Variants in CLEC1A observed in about 807,000 individuals in gnomAD.
CLEC1A encodes the protein C-type lectin domain family 1 member A.
In CLEC1A, 34 loss-of-function variants were observed where a neutral mutation model predicts 28.7. That is an observed-to-expected ratio of 1.18 (90% CI 0.90 to 1.57). The LOEUF is 1.57. CLEC1A is among the 40% of genes most tolerant of loss of function. The pLI is 0.00. For synonymous variants in CLEC1A, 116 were observed against 121.0 expected, an observed-to-expected ratio of 0.96 and a Z score of 0.27; for missense variants, 385 against 339.5, an observed-to-expected ratio of 1.13 and a Z score of -1.05.
intron 1 of CLEC1A, 113 bp downstream of exon 1, chr12:10,098,695 T>C (rs894967377): frequency 7.6e-6 from 5 of 656,546 alleles, no homozygotes; most frequent in East Asian, 2.8e-5. Flanking sequence ...GGGCGAGTAA[T>C]TGGAAATAAA....
intron 2 of CLEC1A, among the ~76,000 whole-genome samples, chr12:10,088,049 G>A (rs1866537638): frequency 6.6e-6 from 1 of 151,838 alleles, no homozygotes; most frequent in African/African-American, 2.4e-5. Context: ...ACCATATATT[G>A]TTACTTATTC....
intron 2 of CLEC1A, among the ~76,000 whole-genome samples, chr12:10,085,536 TA>T (rs71049044): frequency 0.041 from 5,256 of 128,516 alleles, 276 homozygotes; most frequent in African/African-American, 0.14. Flanking sequence ...GCAAAAACAG[TA>T]AAAAAAAAAA....
In CLEC1A at chr12:10,089,054, T is replaced by C; in HGVS notation, c.214+70A>G. 4.2e-6 allele frequency: 5 copies of C among 1,193,198 alleles called. No individual in the cohort carries two copies. The South Asian group carries it at 5.0e-5, about 12-fold the overall frequency. 73.9% of individuals were successfully genotyped at this position (1,193,198 alleles called of 1,614,324 possible). On this transcript the variant is annotated intron_variant, in intron 2 of 5. Transcript: ENST00000315330. ...AATTAAAGTTTAAAAAACAAATCCA[T>C]AACAAGTGTTTCTCATCCTAGACAA...
intron 1 of CLEC1A, among the ~76,000 whole-genome samples, chr12:10,097,541 G>A (rs1205712125): frequency 1.3e-5 from 2 of 152,226 alleles, no homozygotes; most frequent in Middle Eastern, 3.4e-3. Flanking sequence ...CACTTCTACT[G>A]TTTCAATATC....
chr12:10,074,252 T>C (rs879877696), intron 4 of CLEC1A, among the ~76,000 whole-genome samples: 1 of 152,190 alleles, frequency 6.6e-6, no homozygotes. Flanking sequence ...CTTTGTTTCA[T>C]TGTTACATCC....
chr12:10,073,490 C>T (rs972800482), intron 4 of CLEC1A, 79 bp from the exon 5 acceptor site: 2 of 991,050 alleles, frequency 2.0e-6, no homozygotes, highest in African/African-American at 3.2e-5. Flanking sequence ...GGCCAGCCAG[C>T]ACTTTTCTCA....
At chr12:10,090,397 C>A (rs1422516429) in intron 1 of CLEC1A, among the ~76,000 whole-genome samples, 1 of 152,040 alleles carries the variant, frequency 6.6e-6, no homozygotes, top group African/African-American at 2.4e-5. Flanking sequence ...ACTACAGGCA[C>A]GTGCCACCAC....
chr12:10,078,627 A>G (rs1866302294), intron 3 of CLEC1A, among the ~76,000 whole-genome samples: 1 of 152,174 alleles, frequency 6.6e-6, no homozygotes. Flanking sequence ...ATTACTGTAT[A>G]CCTGGGACCT....
chr12:10,073,261 TG>T, intron 5 of CLEC1A, 31 bp downstream of exon 5: 1 of 1,494,564 alleles, frequency 6.7e-7, no homozygotes, highest in Non-Finnish European at 9.3e-7. Flanking sequence ...CTTTGTTAAA[TG>T]CCTTTCCCAT....
intron 3 of CLEC1A, among the ~76,000 whole-genome samples, chr12:10,080,671 A>G (rs538246801): frequency 2.8e-4 from 42 of 152,322 alleles, no homozygotes; most frequent in Admixed American, 7.2e-4. Context: ...ATACACATGC[A>G]CTCACACTGA....
chr12:10,078,621 C>A (rs1866302045), intron 3 of CLEC1A, among the ~76,000 whole-genome samples: 1 of 152,174 alleles, frequency 6.6e-6, no homozygotes, highest in South Asian at 2.1e-4. Context: ...CCGATCATTA[C>A]TGTATACCTG....
In CLEC1A at chr12:10,075,665, A is replaced by G; in HGVS notation, c.392-10T>C. The G allele has an allele frequency of 6.2e-7, 1 of 1,611,416 alleles. No homozygotes were observed. The highest frequency in any genetic ancestry group is 8.5e-7 in the Non-Finnish European group (1 of 1,178,778). On this transcript the variant is annotated splice_polypyrimidine_tract_variant and intron_variant, in intron 3 of 5. Transcript: ENST00000315330. ...GGGCTGCACCTGTGTGCTTGGAAAAAAGCCAATTTTATTGTTATTTTCTGC... is the reference window on the plus strand; with the variant it reads ...GGGCTGCACCTGTGTGCTTGGAAAAGAGCCAATTTTATTGTTATTTTCTGC...
At chr12:10,071,776 G>C (rs1866141226) in intron 5 of CLEC1A, among the ~76,000 whole-genome samples, 1 of 152,110 alleles carries the variant, frequency 6.6e-6, no homozygotes, top group Non-Finnish European at 1.5e-5. Context: ...TAGTGTTTCT[G>C]CCACTTAAAA....
At chr12:10,071,617 G>T in intron 5 of CLEC1A, 104 bp from the exon 6 acceptor site, 1 of 935,850 alleles carries the variant, frequency 1.1e-6, no homozygotes, top group African/African-American at 1.7e-5. Flanking sequence ...CTAGATACCA[G>T]AATAAGTTTA....
At chr12:10,080,656 T>C (rs566473933) in intron 3 of CLEC1A, among the ~76,000 whole-genome samples, 16 of 152,158 alleles carry the variant, frequency 1.1e-4, no homozygotes, top group Non-Finnish European at 2.2e-4. Context: ...AATAGGAGAA[T>C]AGGAATACAC....
intron 3 of CLEC1A, among the ~76,000 whole-genome samples, chr12:10,077,354 T>C (rs906643661): frequency 6.6e-5 from 10 of 152,122 alleles, no homozygotes; most frequent in Admixed American, 5.9e-4. Flanking sequence ...TAGATAGATA[T>C]ACAGATACAT....
chr12:10,074,554 C>A (rs897950688), intron 4 of CLEC1A, among the ~76,000 whole-genome samples: 13 of 152,068 alleles, frequency 8.5e-5, no homozygotes, highest in African/African-American at 2.9e-4. Context: ...CAGTTTTATA[C>A]CTGAGTTTGC....
intron 1 of CLEC1A, among the ~76,000 whole-genome samples, chr12:10,091,148 A>C (rs1241416904): frequency 1.3e-5 from 2 of 152,078 alleles, no homozygotes; most frequent in Admixed American, 6.5e-5. Flanking sequence ...TAATCTTTTC[A>C]TGACTTTTGT....
intron 2 of CLEC1A, chr12:10,084,538 A>G (rs557478475): frequency 1.1e-4 from 16 of 152,246 alleles, no homozygotes; most frequent in African/African-American, 3.4e-4. Context: ...AAGTTGTAAG[A>G]CAGGCCAGGT....
Sources: allele counts gnomAD v4.1 joint callset (sites outside exome capture counted in the v4.1 genomes callset), GRCh38; gene constraint gnomAD v4.1.1; transcripts MANE v1.5; gene names NCBI Gene and HGNC (gene_info 2026-07-23, HGNC 2026-07-21).